PITPNM2: variants seen among roughly 807,000 people sequenced by gnomAD.
PITPNM2 encodes phosphatidylinositol transfer protein membrane associated 2.
Under a neutral mutation model 132.2 loss-of-function variants are expected in PITPNM2, and 35 were observed. That is an observed-to-expected ratio of 0.26 (90% CI 0.20 to 0.35). PITPNM2 has a LOEUF of 0.35. Ranked by LOEUF, PITPNM2 falls within the 10% of genes least tolerant of loss-of-function variation. The probability of loss-of-function intolerance (pLI) is 1.00; values close to 1 mark genes in which losing one functional copy is unlikely to be tolerated. For missense variants in PITPNM2, 1,332 were observed against 1,912.0 expected, an observed-to-expected ratio of 0.70 and a Z score of 5.66; for synonymous variants, 738 against 799.2, an observed-to-expected ratio of 0.92 and a Z score of 1.29.
rs994275591 is a variant in PITPNM2, at chr12:123,077,237, C to T, written c.-96+33148G>A. ...GCCAGCCAGCAGACGATCCTCCCTA[C>T]ACCACCTTCTTGGAAATCTTGGTTA... On this transcript the variant is annotated intron_variant, in intron 2 of 25. Coordinates refer to ENST00000320201, the MANE Select transcript of PITPNM2 (RefSeq NM_020845.3). The surrounding 1 kb of genome is among the most constrained non-coding windows in gnomAD (Gnocchi z 4.8). 6.6e-6 allele frequency among the ~76,000 whole-genome samples: 1 copy of T among 152,198 alleles called. No individual in the cohort carries two copies. The highest frequency in any genetic ancestry group is 2.4e-5 in the African/African-American group (1 of 41,456).
chr12:123,008,770 G>A lies in PITPNM2; in HGVS notation c.643+1080C>T, dbSNP rs2039046631. Among the ~76,000 whole-genome samples, 1 of 152,174 alleles carries A rather than the reference G, an allele frequency of 6.6e-6. No individual in the cohort carries two copies. The highest frequency in any genetic ancestry group is 1.5e-5 in the Non-Finnish European group (1 of 68,016). On this transcript the variant is annotated intron_variant, in intron 6 of 25. Coordinates refer to ENST00000320201, the MANE Select transcript of PITPNM2 (RefSeq NM_020845.3). The surrounding 1 kb of genome is among the most constrained non-coding windows in gnomAD (Gnocchi z 4.1). ...CTGAGTGTTCTGCCCTGGGGATGGA[G>A]GTGGTGACACCAACACACCCATCGA... is the stretch of plus-strand genomic sequence containing the variant.
At position 123,010,022 on chromosome 12, in the gene PITPNM2, C is replaced by A; in HGVS notation, c.471G>T (p.Glu157Asp). 1 of 1,614,182 alleles carries A rather than the reference C, an allele frequency of 6.2e-7. No individual in the cohort carries two copies. The highest frequency in any genetic ancestry group is 8.5e-7 in the Non-Finnish European group (1 of 1,180,034). Reference protein sequence around the residue: ...PVPHNEYKTEEDPKLFQSTKT... With the variant: ...PVPHNEYKTEDDPKLFQSTKT... Reference sequence around the variant, plus strand: ...TGGTTGACTGGAACAGCTTGGGGTCCTCTTCTGTCTTATACTCGTTGTGGG... The same window carrying A: ...TGGTTGACTGGAACAGCTTGGGGTCATCTTCTGTCTTATACTCGTTGTGGG... Residue 157 changes from glutamate to aspartate, a missense_variant, in exon 6 of 26, where the codon GAG becomes GAT. Physicochemically the swap from Glu to Asp is conservative, Grantham distance 45. Coordinates refer to ENST00000320201, the MANE Select transcript of PITPNM2 (RefSeq NM_020845.3).
rs1408585553 is a variant in PITPNM2 at position 123,082,979 on chromosome 12, A to G, written c.-96+27406T>C. On this transcript the variant is annotated intron_variant, in intron 2 of 25. Transcript: ENST00000320201. This position sits in a 1 kb window ranked among gnomAD's most constrained non-coding sequence, Gnocchi z 5.4. ...ATCATGGTAAGTGGAATCATACAGT[A>G]TTTGTCCTTCTGTGTCTGGCTTCTT... 2 of 152,184 alleles carry G rather than the reference A, an allele frequency of 1.3e-5. No homozygotes were observed. Among genetic ancestry groups the G allele is most frequent in the Admixed American group, 1.3e-4 (2 of 15,284 alleles). The allele number at this position is 152,184 out of a possible 1,614,324, so 9.4% of individuals were successfully genotyped here.
At chr12:123,135,767 G>A (rs1309415199) in intron 1 of PITPNM2, among the ~76,000 whole-genome samples, 1 of 152,092 alleles carries the variant, frequency 6.6e-6, no homozygotes, top group Non-Finnish European at 1.5e-5. Context: ...GCTATTAACA[G>A]GCGAGATCAT....
At chr12:122,988,626 T>G (rs890770347) in intron 19 of PITPNM2, 98 bp downstream of exon 19, 25 of 1,276,008 alleles carry the variant, frequency 2.0e-5, no homozygotes, top group Non-Finnish European at 2.7e-5. Flanking sequence ...CTGATGGGGT[T>G]GGAGAGGAGT....
intron 2 of PITPNM2, chr12:123,088,649 C>T (rs570716930): frequency 6.6e-6 from 1 of 152,152 alleles, no homozygotes; most frequent in Non-Finnish European, 1.5e-5. Flanking sequence ...TCCCTGCTCC[C>T]CGCAAAATAT....
intron 1 of PITPNM2, among the ~76,000 whole-genome samples, chr12:123,138,185 G>A (rs577514086): frequency 5.9e-5 from 9 of 152,128 alleles, no homozygotes; most frequent in Non-Finnish European, 1.2e-4. Flanking sequence ...AATGGTTCAC[G>A]CCTGTAATCC....
Position 122,988,745 on chromosome 12 carries a change from C to G in PITPNM2, c.2859G>C (p.Val953=), listed in dbSNP as rs969332439. 1.3e-6 allele frequency: 2 copies of G among 1,566,588 alleles called. No individual in the cohort carries two copies. The highest frequency in any genetic ancestry group is 1.7e-6 in the Non-Finnish European group (2 of 1,155,474). ...GTACCTGTCTCAGCAGAAAGGAGAC[C>G]ACGTCTGTTGACTCCCAGTAGCTGG... ...FHASYWESTD[V]VSFLLRQVMR... The change falls in exon 19 of 26, where the codon GTG becomes GTC. Residue 953 remains valine, a synonymous_variant. Transcript: ENST00000320201.
intron 3 of PITPNM2, among the ~76,000 whole-genome samples, chr12:123,026,069 G>A (rs1024116842): frequency 1.3e-5 from 2 of 152,270 alleles, no homozygotes; most frequent in East Asian, 3.9e-4. Context: ...CATAAGATAG[G>A]TGCTCCGTAA....
intron 5 of PITPNM2, among the ~76,000 whole-genome samples, chr12:123,011,130 G>A (rs2039184334): frequency 6.6e-6 from 1 of 152,250 alleles, no homozygotes; most frequent in Non-Finnish European, 1.5e-5. Flanking sequence ...CTCACTGGGT[G>A]AGAAAGAGCC....
intron 3 of PITPNM2, among the ~76,000 whole-genome samples, chr12:123,020,295 A>G (rs112753273): frequency 0.019 from 2,943 of 151,478 alleles, 53 homozygotes; most frequent in Non-Finnish European, 0.029. Flanking sequence ...TAATTTTTGT[A>G]TTTTTAGTAG....
In PITPNM2 at chr12:123,005,414, A is replaced by AC; in HGVS notation, c.777dup (p.Phe260ValfsTer3). On this transcript the variant is annotated frameshift_variant, in exon 7 of 26. Coordinates refer to ENST00000320201, the MANE Select transcript of PITPNM2 (RefSeq NM_020845.3). LOFTEE classifies it high-confidence loss of function. This position sits in a 1 kb window ranked among gnomAD's most constrained non-coding sequence, Gnocchi z 6.2. The stretch of plus-strand genomic sequence containing the variant: ...GTGGCCTCCTCACCATCCTCATTGA[A>AC]CTGGGCCATCTTACGGGAAAGCATG... The AC allele has an allele frequency of 6.2e-7, 1 of 1,614,074 alleles. No homozygotes were observed. Among genetic ancestry groups the AC allele is most frequent in the Non-Finnish European group, 8.5e-7 (1 of 1,180,008 alleles).
intron 2 of PITPNM2, chr12:123,075,451 T>G (rs1028649061): frequency 1.3e-5 from 2 of 152,084 alleles, no homozygotes; most frequent in African/African-American, 2.4e-5. Context: ...CAGGGAAAAA[T>G]AAATCAGACT....
intron 2 of PITPNM2, among the ~76,000 whole-genome samples, chr12:123,080,181 A>G (rs967017152): frequency 1.3e-5 from 2 of 152,120 alleles, no homozygotes; most frequent in Admixed American, 6.5e-5. Flanking sequence ...CCATCAGCCA[A>G]TGGACATGTG....
rs1423161810 is a variant in PITPNM2, at chr12:123,127,754, C to T, written c.-199-17266G>A. 2.6e-5 allele frequency among the ~76,000 whole-genome samples: 4 copies of T among 152,102 alleles called. 1 individual carries two copies. The South Asian group carries it at 6.2e-4, about 24-fold the overall frequency. On this transcript the variant is annotated intron_variant, in intron 1 of 25. Coordinates refer to ENST00000320201, the MANE Select transcript of PITPNM2 (RefSeq NM_020845.3). ...CCTCCCAAGTAGCTGGGACTACAGG[C>T]GCCCGCCACCACGCCTGGCTAATTT...
In PITPNM2 at chr12:122,992,586, G is replaced by C. The variant is rs2038242289; in HGVS notation, c.2317C>G (p.Leu773Val). 5 of 1,611,372 alleles carry C rather than the reference G, an allele frequency of 3.1e-6. No individual in the cohort carries two copies. The highest frequency in any genetic ancestry group is 4.2e-6 in the Non-Finnish European group (5 of 1,179,304). ...DPSASRLEPL[L>V]ERRFHALPPF... Reference sequence around the variant, plus strand: ...GGCAGGGCGTGAAAGCGCCGTTCCAGCAGCGGCTCCAGGCGTGAAGCTGAC... The same window carrying C: ...GGCAGGGCGTGAAAGCGCCGTTCCACCAGCGGCTCCAGGCGTGAAGCTGAC... The change falls in exon 16 of 26, where the codon CTG becomes GTG. Residue 773 changes from leucine (L) to valine (V), a missense_variant. Leu to Val is a conservative substitution (Grantham distance 32). Transcript: ENST00000320201. The surrounding 1 kb of genome is among the most constrained non-coding windows in gnomAD (Gnocchi z 6.5).
intron 1 of PITPNM2, among the ~76,000 whole-genome samples, chr12:123,140,159 C>T (rs986201597): frequency 1.3e-5 from 2 of 152,192 alleles, no homozygotes; most frequent in African/African-American, 4.8e-5. Flanking sequence ...AACATGCCCC[C>T]TTAGGCCCCC....
intron 16 of PITPNM2, among the ~76,000 whole-genome samples, chr12:122,990,931 C>G (rs1208258886): frequency 6.6e-6 from 1 of 152,202 alleles, no homozygotes; most frequent in Admixed American, 6.5e-5. Context: ...GACACAGACA[C>G]AGGGCAGGGA....
Position 123,076,946 on chromosome 12 carries a change from C to T in PITPNM2, c.-96+33439G>A, listed in dbSNP as rs780294348. Among the ~76,000 whole-genome samples, 95 of 152,270 alleles carry T rather than the reference C, an allele frequency of 6.2e-4. 1 individual carries two copies. Among genetic ancestry groups the T allele is most frequent in the South Asian group, 1.0e-3 (5 of 4,816 alleles). ...CCTGCTGCACAGGAAGCAGAGGTCA[C>T]GGTGGGAGCTGCCTGTGCCGGGCAT... On this transcript the variant is annotated intron_variant, in intron 2 of 25. Transcript: ENST00000320201.
Sources: gnomAD v4.1 joint callset for allele counts (sites outside exome capture counted in the v4.1 genomes callset) on GRCh38, gnomAD v4.1.1 for gene constraint, Gnocchi (gnomAD v3.1) non-coding constraint, MANE v1.5 for transcripts, NCBI Gene and HGNC (gene_info 2026-07-23, HGNC 2026-07-21) for gene names.